The following MON2 variants were observed in gnomAD, a reference collection of about 807,000 sequenced individuals.
The protein encoded by MON2 is MON2 regulator of endosome-to-Golgi trafficking.
A neutral mutation model predicts 208.6 loss-of-function variants in MON2; 84 were observed. The ratio of observed to expected loss-of-function variants is 0.40; its 90% CI spans 0.34 to 0.48. The LOEUF is 0.48. MON2 is among the 20% of genes least tolerant of loss of function. The pLI is 0.59. For missense variants in MON2, 1,611 were observed against 2,015.4 expected (o/e 0.80, Z 3.84); for synonymous variants, 660 against 694.0 (o/e 0.95, Z 0.77).
At chr12:62,488,927 C>G (rs2069949948) in intron 2 of MON2, among the ~76,000 whole-genome samples, 1 of 151,840 alleles carries the variant, frequency 6.6e-6, no homozygotes, top group South Asian at 2.1e-4. Context: ...TGCAGCAAAC[C>G]ACCATGGCAT....
chr12:62,574,749 A>T (rs1284269512), intron 30 of MON2, among the ~76,000 whole-genome samples: 1 of 152,012 alleles, frequency 6.6e-6, no homozygotes, highest in Non-Finnish European at 1.5e-5. Context: ...GAGTCAGGAG[A>T]CCTGTGACCT....
intron 8 of MON2, among the ~76,000 whole-genome samples, chr12:62,522,217 C>T (rs2072082160): frequency 1.3e-5 from 2 of 152,082 alleles, no homozygotes; most frequent in African/African-American, 2.4e-5. Flanking sequence ...TAGCATATCT[C>T]TTTTCTGCCC....
chr12:62,560,413 A>G (rs1389659238), intron 25 of MON2, 78 bp from the exon 26 acceptor site: 21 of 1,386,122 alleles, frequency 1.5e-5, no homozygotes, highest in Non-Finnish European at 2.0e-5. Flanking sequence ...TTAAGCAAAT[A>G]TGCTTTCAAG....
chr12:62,572,259 C>A (rs1272120976), intron 30 of MON2, among the ~76,000 whole-genome samples: 1 of 152,160 alleles, frequency 6.6e-6, no homozygotes, highest in Non-Finnish European at 1.5e-5. Flanking sequence ...CTCATTGCCA[C>A]GGGTGACTAG....
chr12:62,553,718 TC>T (rs1429694161), intron 24 of MON2, among the ~76,000 whole-genome samples: 2 of 152,206 alleles, frequency 1.3e-5, no homozygotes, highest in African/African-American at 4.8e-5. Flanking sequence ...TTCATTTTTT[TC>T]TTCTTTTGAA....
rs2074693103 is a variant in MON2 at position 62,574,059 on chromosome 12, C to T, written c.4514+2477C>T. 3.3e-5 allele frequency among the ~76,000 whole-genome samples: 5 copies of T among 152,112 alleles called. No homozygotes were observed. The South Asian group carries it at 1.0e-3, about 32-fold the overall frequency. On this transcript the variant is annotated intron_variant, in intron 30 of 34. Coordinates refer to ENST00000393630, the MANE Select transcript of MON2 (RefSeq NM_015026.3). ...GTACTACTTTGTACTACTTTTTAGA[C>T]AAGTTATTAAACCTTTCAGTGACTC...
At chr12:62,545,814 T>C (rs1440140811) in intron 21 of MON2, 2 of 152,228 alleles carry the variant, frequency 1.3e-5, no homozygotes, top group Non-Finnish European at 2.9e-5. Flanking sequence ...ACAGAAAAGA[T>C]ATTATAAAGC....
chr12:62,584,141 T>A (rs2075109501), intron 32 of MON2, among the ~76,000 whole-genome samples: 1 of 152,028 alleles, frequency 6.6e-6, no homozygotes, highest in African/African-American at 2.4e-5. Context: ...AATTCTCCAA[T>A]TTCAGCATGC....
rs568623719 is a variant in MON2 at position 62,467,875 on chromosome 12, G to A, written c.111+557G>A. Among the ~76,000 whole-genome samples the A allele has an allele frequency of 3.4e-4, 51 of 152,196 alleles. No homozygotes were observed. The South Asian group carries it at 0.01, about 30-fold the overall frequency. On this transcript the variant is annotated intron_variant, in intron 1 of 34. Transcript: ENST00000393630. Reference sequence around the variant, plus strand: ...AAACCTTGTTATGAGCAGTACTGTAGTGGGAAGTTGGGCTTGCAGTCAGAG... The same window carrying A: ...AAACCTTGTTATGAGCAGTACTGTAATGGGAAGTTGGGCTTGCAGTCAGAG...
intron 26 of MON2, among the ~76,000 whole-genome samples, chr12:62,562,216 A>AGGCCCTTTGAGATGCCCGTAATCT (rs1225837706): frequency 2.6e-5 from 4 of 152,040 alleles, no homozygotes; most frequent in Non-Finnish European, 4.4e-5. Flanking sequence ...AATAAGACAT[A>AGGCCCTTTGAGATGCCCGTAATCT]GGCCCTTTGA....
intron 11 of MON2, among the ~76,000 whole-genome samples, chr12:62,528,999 T>C (rs534162835): frequency 1.3e-5 from 2 of 152,222 alleles, no homozygotes; most frequent in South Asian, 4.1e-4. Flanking sequence ...TGCTCCTCTT[T>C]CTCCTCCCAC....
Position 62,564,492 on chromosome 12 carries a change from G to A in MON2, c.4033-745G>A, listed in dbSNP as rs1453765515. Among the ~76,000 whole-genome samples the A allele has an allele frequency of 2.0e-5, 3 of 151,192 alleles. No individual in the cohort carries two copies. In the East Asian group the frequency reaches 5.8e-4, roughly 29 times the overall value. On this transcript the variant is annotated intron_variant, in intron 26 of 34. Transcript: ENST00000393630. Reference sequence around the variant, plus strand: ...AGAAAATACGAAAAGAAAAATTTGTGGCTAGAAAAAAAAACCCAATTTAAG... The same window carrying A: ...AGAAAATACGAAAAGAAAAATTTGTAGCTAGAAAAAAAAACCCAATTTAAG...
rs781685044 is a variant in MON2 at position 62,538,182 on chromosome 12, C to T, written c.2199+6C>T. The T allele has an allele frequency of 3.2e-5, 51 of 1,612,958 alleles. No individual in the cohort carries two copies. The Admixed American group carries it at 8.3e-4, about 26-fold the overall frequency. On this transcript the variant is annotated splice_donor_region_variant and intron_variant, in intron 17 of 34. Coordinates refer to ENST00000393630, the MANE Select transcript of MON2 (RefSeq NM_015026.3). The stretch of plus-strand genomic sequence containing the variant: ...CTGTAGAAGGACCCAGTACAGTAAG[C>T]TCTAGTCTTTCTTACCCAATTAGTG...
intron 1 of MON2, among the ~76,000 whole-genome samples, chr12:62,479,304 T>G (rs1267056341): frequency 8.5e-5 from 13 of 152,198 alleles, no homozygotes; most frequent in Non-Finnish European, 1.8e-4. Flanking sequence ...TGTTGTAATA[T>G]TTGCACATAA....
At chr12:62,576,248 G>A (rs1423889558) in intron 30 of MON2, among the ~76,000 whole-genome samples, 1 of 151,938 alleles carries the variant, frequency 6.6e-6, no homozygotes, top group African/African-American at 2.4e-5. Context: ...CTTGTTTATG[G>A]GATATATCCA....
intron 1 of MON2, among the ~76,000 whole-genome samples, chr12:62,481,099 C>T (rs751147620): frequency 6.6e-6 from 1 of 152,120 alleles, no homozygotes; most frequent in Non-Finnish European, 1.5e-5. Context: ...CAAGGTATAT[C>T]GAGAATCTCA....
intron 29 of MON2, among the ~76,000 whole-genome samples, chr12:62,568,986 C>T (rs2074487576): frequency 6.6e-6 from 1 of 152,112 alleles, no homozygotes; most frequent in South Asian, 2.1e-4. Context: ...GTTAAATGAT[C>T]TCTTTTCTAT....
intron 30 of MON2, among the ~76,000 whole-genome samples, chr12:62,574,103 A>G (rs969594994): frequency 1.3e-5 from 2 of 152,192 alleles, no homozygotes; most frequent in Non-Finnish European, 2.9e-5. Context: ...TCATCTGTTA[A>G]ATGTCAATAA....
At chr12:62,516,964 C>G (rs897145026) in intron 8 of MON2, among the ~76,000 whole-genome samples, 3 of 151,972 alleles carry the variant, frequency 2.0e-5, no homozygotes, top group Admixed American at 2.0e-4. Flanking sequence ...CATGGAAAGT[C>G]AACAGGATAG....
Sources: allele counts gnomAD v4.1 joint callset (sites outside exome capture counted in the v4.1 genomes callset), GRCh38; gene constraint gnomAD v4.1.1; transcripts MANE v1.5; gene names NCBI Gene and HGNC (gene_info 2026-07-23, HGNC 2026-07-21).